Variants in NCOA1 observed in about 807,000 individuals in gnomAD.
The protein encoded by NCOA1 is nuclear receptor coactivator 1.
NCOA1 carries 35 observed loss-of-function variants against 150.9 expected under a neutral mutation model. That is an observed-to-expected ratio of 0.23 (90% confidence interval 0.18 to 0.31). The LOEUF (loss-of-function observed/expected upper bound fraction) is 0.31, where lower values mean the gene tolerates loss of function less well. Among genes scored for constraint, NCOA1 ranks in the 10% least tolerant of loss-of-function variants. The probability of loss-of-function intolerance (pLI) is 1.00; values close to 1 mark genes in which losing one functional copy is unlikely to be tolerated. For synonymous variants in NCOA1, 590 were observed against 630.0 expected, an observed-to-expected ratio of 0.94 and a Z score of 0.95; for missense variants, 1,491 against 1,749.3, an observed-to-expected ratio of 0.85 and a Z score of 2.63.
intron 19 of NCOA1, among the ~76,000 whole-genome samples, chr2:24,742,734 A>G (rs1256917929): frequency 6.8e-6 from 1 of 147,358 alleles, no homozygotes; most frequent in Non-Finnish European, 1.5e-5. Context: ...CTTATTTTTT[A>G]ATTTTTCTCA....
intron 3 of NCOA1, among the ~76,000 whole-genome samples, chr2:24,619,771 C>T (rs915743814): frequency 6.6e-6 from 1 of 151,720 alleles, no homozygotes; most frequent in Non-Finnish European, 1.5e-5. Flanking sequence ...AGAAAACAAG[C>T]AAAACATTTT....
intron 1 of NCOA1, among the ~76,000 whole-genome samples, chr2:24,546,359 T>C (rs1036496041): frequency 1.3e-5 from 2 of 152,244 alleles, no homozygotes; most frequent in African/African-American, 4.8e-5. Flanking sequence ...TCCTCTGACA[T>C]GAAAATGCCT....
intron 1 of NCOA1, among the ~76,000 whole-genome samples, chr2:24,535,304 T>C (rs1235938686): frequency 6.6e-6 from 1 of 152,150 alleles, no homozygotes; most frequent in Non-Finnish European, 1.5e-5. Flanking sequence ...ATTTGCTTGG[T>C]AGATCTTCCT....
intron 22 of NCOA1, among the ~76,000 whole-genome samples, chr2:24,764,529 G>C (rs943106746): frequency 6.6e-6 from 1 of 152,300 alleles, no homozygotes; most frequent in South Asian, 2.1e-4. Context: ...TGGTGCAGAG[G>C]TAGATTTAGA....
At chr2:24,756,071 TAAAAAA>T (rs369987098) in intron 20 of NCOA1, among the ~76,000 whole-genome samples, 9,063 of 108,188 alleles carry the variant, frequency 0.084, 393 homozygotes, top group African/African-American at 0.16. Context: ...CCATCTCTAC[TAAAAAA>T]AAAAAAAAAA....
At chr2:24,616,548 G>A (rs1668878894) in intron 3 of NCOA1, among the ~76,000 whole-genome samples, 1 of 152,146 alleles carries the variant, frequency 6.6e-6, no homozygotes, top group South Asian at 2.1e-4. Flanking sequence ...TGATATCGGG[G>A]ATTATAGGAA....
At chr2:24,600,943 C>T (rs1668085801) in intron 3 of NCOA1, among the ~76,000 whole-genome samples, 1 of 152,068 alleles carries the variant, frequency 6.6e-6, no homozygotes, top group South Asian at 2.1e-4. Context: ...ATTTTCTCTG[C>T]AAGTAGTTTG....
intron 11 of NCOA1, among the ~76,000 whole-genome samples, chr2:24,700,150 T>C (rs918430199): frequency 3.3e-5 from 4 of 119,806 alleles, no homozygotes; most frequent in Non-Finnish European, 5.2e-5. Flanking sequence ...TCGCTAATAA[T>C]AATAATAATA....
intron 14 of NCOA1, among the ~76,000 whole-genome samples, chr2:24,720,140 A>T (rs1674283861): frequency 6.6e-6 from 1 of 152,242 alleles, no homozygotes; most frequent in Non-Finnish European, 1.5e-5. Flanking sequence ...TCTAAAATGG[A>T]GACATCAAGA....
At chr2:24,511,417 T>A (rs976494901) in intron 1 of NCOA1, among the ~76,000 whole-genome samples, 5 of 152,304 alleles carry the variant, frequency 3.3e-5, no homozygotes, top group Admixed American at 1.3e-4. Flanking sequence ...GGTTCTGATT[T>A]CTCCACATTC....
intron 19 of NCOA1, among the ~76,000 whole-genome samples, chr2:24,751,380 C>T (rs55849699): frequency 4.0e-5 from 6 of 151,468 alleles, no homozygotes; most frequent in Non-Finnish European, 7.4e-5. Context: ...GTCAGGAGTT[C>T]GAGACCACCC....
At chr2:24,671,862 C>T (rs972532197) in intron 6 of NCOA1, among the ~76,000 whole-genome samples, 1 of 152,204 alleles carries the variant, frequency 6.6e-6, no homozygotes, top group Admixed American at 6.5e-5. Flanking sequence ...CCTTGCCTGG[C>T]CCATGTACTT....
At chr2:24,604,288 C>G (rs1467361441) in intron 3 of NCOA1, among the ~76,000 whole-genome samples, 1 of 152,140 alleles carries the variant, frequency 6.6e-6, no homozygotes, top group Admixed American at 6.6e-5. Context: ...ACTGTCTTTA[C>G]CTTCAAGTCA....
intron 3 of NCOA1, among the ~76,000 whole-genome samples, chr2:24,614,751 C>T (rs1668799762): frequency 6.6e-6 from 1 of 152,082 alleles, no homozygotes; most frequent in East Asian, 1.9e-4. Flanking sequence ...AGTCTGAGAA[C>T]CACTGACATA....
chr2:24,629,498 A>G (rs1411446514), intron 3 of NCOA1, among the ~76,000 whole-genome samples: 4 of 116,094 alleles, frequency 3.4e-5, no homozygotes, highest in East Asian at 2.4e-4. Flanking sequence ...TTTTTTTTTT[A>G]CACTTTATCA....
In NCOA1 at chr2:24,618,440, T is replaced by C. The variant is rs567518341; in HGVS notation, c.-174-25526T>C. ...CAAGAACAGAGGAAATTGTGAATGT[T>C]ATTCCTTGTAACTAGTTTACCATCT... On this transcript the variant is annotated intron_variant, in intron 3 of 22. Coordinates refer to ENST00000348332, the MANE Select transcript of NCOA1 (RefSeq NM_003743.5). 3.9e-5 allele frequency among the ~76,000 whole-genome samples: 6 copies of C among 152,338 alleles called. No individual in the cohort carries two copies. The South Asian group carries it at 1.2e-3, about 32-fold the overall frequency.
chr2:24,575,896 T>C (rs1341272985), intron 2 of NCOA1, among the ~76,000 whole-genome samples: 2 of 152,164 alleles, frequency 1.3e-5, no homozygotes, highest in Non-Finnish European at 2.9e-5. Context: ...TTTTAAGTAA[T>C]GTTGGTCTAA....
At chr2:24,710,292 A>G (rs969223299) in intron 13 of NCOA1, among the ~76,000 whole-genome samples, 5 of 151,890 alleles carry the variant, frequency 3.3e-5, no homozygotes, top group Non-Finnish European at 5.9e-5. Context: ...CGGGGTTGCC[A>G]TGTTGGCCAG....
intron 4 of NCOA1, among the ~76,000 whole-genome samples, chr2:24,645,423 T>C (rs1451747009): frequency 6.8e-6 from 1 of 146,048 alleles, no homozygotes; most frequent in Non-Finnish European, 1.5e-5. Context: ...GAATGGCGAA[T>C]GGCGTGAACC....
Sources: allele counts gnomAD v4.1 joint callset (sites outside exome capture counted in the v4.1 genomes callset), GRCh38; gene constraint gnomAD v4.1.1; transcripts MANE v1.5; gene names NCBI Gene and HGNC (gene_info 2026-07-23, HGNC 2026-07-21).